Variants in CLMN observed in about 807,000 individuals in gnomAD.
The protein encoded by CLMN is calmin, also known as calmin (calponin-like, transmembrane).
Under a neutral mutation model 92.7 loss-of-function variants are expected in CLMN, and 57 were observed. That is an observed-to-expected ratio of 0.61 (90% CI 0.50 to 0.77). The LOEUF is 0.77. Ranked by LOEUF, CLMN falls within the 30% of genes least tolerant of loss-of-function variation. CLMN has a pLI of 0.00. For missense variants in CLMN, 1,158 were observed against 1,237.5 expected (o/e 0.94, Z 0.96); for synonymous variants, 466 against 470.6 (o/e 0.99, Z 0.13).
chr14:95,221,499 C>T (rs948990112), intron 4 of CLMN, among the ~76,000 whole-genome samples, 192 bp downstream of exon 4: 1 of 152,156 alleles, frequency 6.6e-6, no homozygotes, highest in South Asian at 2.1e-4. Context: ...TGGGTGGGCA[C>T]GGAGTCAGGG....
chr14:95,206,339 C>T (rs1423582265), intron 8 of CLMN, among the ~76,000 whole-genome samples: 1 of 151,870 alleles, frequency 6.6e-6, no homozygotes, highest in African/African-American at 2.4e-5. Context: ...CAACATTTCT[C>T]TCCTGCATTA....
chr14:95,195,103 C>A (rs1896668056), intron 10 of CLMN, among the ~76,000 whole-genome samples: 2 of 152,222 alleles, frequency 1.3e-5, no homozygotes, highest in Non-Finnish European at 2.9e-5. Context: ...AAGGATGGAG[C>A]CCCGCCTGAA....
chr14:95,258,835 ATGTG>A (rs1899129110), intron 1 of CLMN, among the ~76,000 whole-genome samples: 1 of 112,034 alleles, frequency 8.9e-6, no homozygotes, highest in African/African-American at 3.6e-5. Context: ...TGTGTGTGGT[ATGTG>A]TATGTATCTG....
At chr14:95,273,920 C>T (rs1187872222) in intron 1 of CLMN, among the ~76,000 whole-genome samples, 1 of 152,162 alleles carries the variant, frequency 6.6e-6, no homozygotes, top group Admixed American at 6.5e-5. Flanking sequence ...ACGCTCCTCC[C>T]AGCCAGTCCA....
chr14:95,192,340 C>T (rs1383687887), intron 12 of CLMN: 1 of 152,174 alleles, frequency 6.6e-6, no homozygotes, highest in African/African-American at 2.4e-5. Context: ...GTCAGATTTA[C>T]CTTCCTGCTT....
At chr14:95,242,525 G>T (rs569118016) in intron 1 of CLMN, among the ~76,000 whole-genome samples, 36 of 151,532 alleles carry the variant, frequency 2.4e-4, no homozygotes, top group Non-Finnish European at 4.6e-4. Flanking sequence ...CTCCCAAAGT[G>T]CTGGGATTAC....
At chr14:95,276,169 T>C (rs1899918581) in intron 1 of CLMN, among the ~76,000 whole-genome samples, 1 of 152,206 alleles carries the variant, frequency 6.6e-6, no homozygotes, top group South Asian at 2.1e-4. Context: ...TTAGCCAACT[T>C]TGGGTAAGTG....
intron 1 of CLMN, among the ~76,000 whole-genome samples, chr14:95,268,208 A>C (rs1899553216): frequency 1.3e-5 from 2 of 152,314 alleles, no homozygotes; most frequent in Admixed American, 1.3e-4. Flanking sequence ...GAGGTGATGG[A>C]TACCCCAATT....
intron 8 of CLMN, among the ~76,000 whole-genome samples, chr14:95,205,610 A>G (rs1313839456): frequency 6.6e-6 from 1 of 152,244 alleles, no homozygotes; most frequent in Non-Finnish European, 1.5e-5. Flanking sequence ...TGAGGATTAA[A>G]ACATATGCAG....
At chr14:95,193,257 C>T (rs1370832847) in intron 12 of CLMN, 2 of 1,095,272 alleles carry the variant, frequency 1.8e-6, no homozygotes, top group Non-Finnish European at 2.7e-6. Context: ...TTTAAATGGG[C>T]AGGTTTCCAG....
intron 1 of CLMN, among the ~76,000 whole-genome samples, chr14:95,266,338 T>A (rs1053223329): frequency 6.6e-6 from 1 of 152,182 alleles, no homozygotes; most frequent in East Asian, 1.9e-4. Context: ...ATGTTAGAAC[T>A]GATAAATTCA....
intron 12 of CLMN, chr14:95,193,542 A>G: frequency 1.5e-6 from 1 of 689,370 alleles, no homozygotes; most frequent in Non-Finnish European, 2.4e-6. Flanking sequence ...TATACCACTA[A>G]ACCACCCTAT....
intron 1 of CLMN, among the ~76,000 whole-genome samples, chr14:95,237,668 C>A (rs1032270243): frequency 1.3e-5 from 2 of 152,208 alleles, no homozygotes; most frequent in Non-Finnish European, 2.9e-5. Context: ...AGAAGCCCAG[C>A]GTCTCACAGC....
chr14:95,215,815 CTGTGTGTGTGTGTGTGTGTGTG>C (rs57063101), intron 4 of CLMN, 82 bp from the exon 5 acceptor site: 63 of 571,894 alleles, frequency 1.1e-4, no homozygotes, highest in Middle Eastern at 1.0e-3. Context: ...CTCTCTCTCT[CTGTGTGTGTGTGTGTGTGTGTG>C]TGTGTGTGTG....
intron 1 of CLMN, among the ~76,000 whole-genome samples, chr14:95,286,789 CT>C (rs1330589573): frequency 6.6e-6 from 1 of 152,164 alleles, no homozygotes; most frequent in Non-Finnish European, 1.5e-5. Context: ...TTCAAAGGCC[CT>C]GAAGAGAGAG....
At chr14:95,295,535 G>A (rs938225439) in intron 1 of CLMN, among the ~76,000 whole-genome samples, 4 of 152,194 alleles carry the variant, frequency 2.6e-5, no homozygotes. Flanking sequence ...AGTCTGCCCG[G>A]GGGTGGTGTC....
rs1009897543 is a variant in CLMN at position 95,194,886 on chromosome 14, T to C, written c.2709-290A>G. Among the ~76,000 whole-genome samples, 1 of 152,168 alleles carries C rather than the reference T, an allele frequency of 6.6e-6. No individual in the cohort carries two copies. The highest frequency in any genetic ancestry group is 1.5e-5 in the Non-Finnish European group (1 of 68,018). ...CACATATTCTTAAAAATCAAAGCAT[T>C]TGGAGCAGGAAGTAACCCAAGCATC... On this transcript the variant is annotated intron_variant, in intron 10 of 12. Transcript: ENST00000298912. This position sits in a 1 kb window ranked among gnomAD's most constrained non-coding sequence, Gnocchi z 4.0.
intron 8 of CLMN, among the ~76,000 whole-genome samples, chr14:95,208,633 C>T (rs1897111600): frequency 6.6e-6 from 1 of 152,170 alleles, no homozygotes; most frequent in South Asian, 2.1e-4. Context: ...CTGTGACAGG[C>T]GTCAGTTTCC....
chr14:95,206,053 C>G (rs1393179580), intron 8 of CLMN, among the ~76,000 whole-genome samples: 4 of 152,036 alleles, frequency 2.6e-5, no homozygotes, highest in Non-Finnish European at 5.9e-5. Flanking sequence ...AAGAGACATA[C>G]TTTAAATATA....
Sources: gnomAD v4.1 joint callset for allele counts (sites outside exome capture counted in the v4.1 genomes callset) on GRCh38, gnomAD v4.1.1 for gene constraint, Gnocchi (gnomAD v3.1) non-coding constraint, MANE v1.5 for transcripts, NCBI Gene and HGNC (gene_info 2026-07-23, HGNC 2026-07-21) for gene names.